RTF1: variants seen among roughly 807,000 people sequenced by gnomAD.
RTF1 encodes the protein RNA polymerase-associated protein RTF1 homolog.
RTF1 carries 10 observed loss-of-function variants against 95.7 expected under a neutral mutation model. That is an observed-to-expected ratio of 0.10 (90% CI 0.06 to 0.18). The LOEUF (loss-of-function observed/expected upper bound fraction) is 0.18. Among genes scored for constraint, RTF1 ranks in the 10% least tolerant of loss-of-function variants. The pLI is 1.00. For missense variants in RTF1, 458 were observed against 875.6 expected (o/e 0.52, Z 6.02); for synonymous variants, 305 against 311.8 (o/e 0.98, Z 0.23).
rs2050903273 is a variant in RTF1, at chr15:41,470,254, T to C, written c.890-3T>C. On this transcript the variant is annotated splice_region_variant and splice_polypyrimidine_tract_variant and intron_variant, in intron 6 of 17. Transcript: ENST00000389629. The stretch of plus-strand genomic sequence containing the variant: ...TAGGTAAACATCTCTTCTTTCTTTC[T>C]AGCTGAGCTCCTTGCCAAAAAACAG... The C allele has an allele frequency of 6.2e-7, 1 of 1,610,916 alleles. No individual in the cohort carries two copies. The highest frequency in any genetic ancestry group is 8.5e-7 in the Non-Finnish European group (1 of 1,178,086).
At chr15:41,438,477 G>A (rs1176909167) in intron 2 of RTF1, 46 bp downstream of exon 2, 1 of 1,316,060 alleles carries the variant, frequency 7.6e-7, no homozygotes. Context: ...GATAGTTGAG[G>A]CTCCTCGCTT....
At chr15:41,446,582 A>G (rs968548514) in intron 2 of RTF1, among the ~76,000 whole-genome samples, 4 of 149,726 alleles carry the variant, frequency 2.7e-5, no homozygotes, top group African/African-American at 7.4e-5. Context: ...ATTTTCATAA[A>G]ATAGTACCTC....
chr15:41,471,233 C>T lies in RTF1; in HGVS notation c.1087C>T (p.Arg363Ter). The T allele has an allele frequency of 6.2e-7, 1 of 1,613,628 alleles. No homozygotes were observed. The highest frequency in any genetic ancestry group is 8.5e-7 in the Non-Finnish European group (1 of 1,179,914). ...CTTACCTGAAGAATTGAATCGGGTT[C>T]GATTATCACGGCATAAGCTAGAACG... ...VSLPEELNRV[R>*]LSRHKLERWC... The change falls in exon 8 of 18, where the codon CGA becomes TGA. Residue 363 changes from arginine (R) to a stop codon, truncating the protein, a stop_gained. Coordinates refer to ENST00000389629, the MANE Select transcript of RTF1 (RefSeq NM_015138.5). LOFTEE classifies it high-confidence loss of function.
intron 2 of RTF1, among the ~76,000 whole-genome samples, chr15:41,439,123 C>G (rs2140952029): frequency 6.6e-6 from 1 of 151,188 alleles, no homozygotes; most frequent in Admixed American, 6.6e-5. Context: ...CTTCCGCCTT[C>G]CAGGTTCACG....
At chr15:41,464,978 T>G in intron 5 of RTF1, 93 bp downstream of exon 5, 1 of 1,390,302 alleles carries the variant, frequency 7.2e-7, no homozygotes, top group Non-Finnish European at 9.4e-7. Context: ...AAAAGGTGGA[T>G]TTATATTAAT....
At chr15:41,453,771 C>T (rs2050799643) in intron 3 of RTF1, among the ~76,000 whole-genome samples, 2 of 151,400 alleles carry the variant, frequency 1.3e-5, no homozygotes, top group Non-Finnish European at 2.9e-5. Flanking sequence ...TGCAGGGACA[C>T]TGGAAGAGAA....
chr15:41,446,975 G>A (rs1487126530), intron 2 of RTF1, among the ~76,000 whole-genome samples: 1 of 151,946 alleles, frequency 6.6e-6, no homozygotes, highest in Non-Finnish European at 1.5e-5. Context: ...GCTAATTTTT[G>A]TATTTTTAGT....
At chr15:41,473,474 C>A (rs1335945579) in intron 8 of RTF1, among the ~76,000 whole-genome samples, 1 of 149,200 alleles carries the variant, frequency 6.7e-6, no homozygotes, top group African/African-American at 2.5e-5. Flanking sequence ...AGTGTCTTAA[C>A]CATGTTGCCC....
At chr15:41,473,439 TG>T (rs1332997409) in intron 8 of RTF1, among the ~76,000 whole-genome samples, 5 of 149,684 alleles carry the variant, frequency 3.3e-5, no homozygotes, top group African/African-American at 1.2e-4. Flanking sequence ...GCCCAGGTGT[TG>T]GGTTTTTTTT....
chr15:41,417,509 G>C (rs1048396632), intron 1 of RTF1, among the ~76,000 whole-genome samples, 196 bp downstream of exon 1: 42 of 152,190 alleles, frequency 2.8e-4, no homozygotes, highest in Non-Finnish European at 5.0e-4. Flanking sequence ...TGGAGACGGA[G>C]CCCCGAGGAC....
chr15:41,449,227 ATTTTT>A (rs34660598), intron 2 of RTF1, among the ~76,000 whole-genome samples: 6 of 109,314 alleles, frequency 5.5e-5, no homozygotes, highest in African/African-American at 2.3e-4. Context: ...AGGCAGGTGA[ATTTTT>A]TTTTTTTTTT....
In RTF1 at chr15:41,473,442, G is replaced by GTT. The variant is rs756423671; in HGVS notation, c.1204-1163_1204-1162dup. On this transcript the variant is annotated intron_variant, in intron 8 of 17. Transcript: ENST00000389629. ...CCACCACGCCCGGCCCAGGTGTTGG[G>GTT]TTTTTTTTTTTTTTTTGAGACAGTG... is the stretch of plus-strand genomic sequence containing the variant. Among the ~76,000 whole-genome samples, 469 of 138,576 alleles carry GTT rather than the reference G, an allele frequency of 3.4e-3. 3 individuals carry two copies. Among genetic ancestry groups the GTT allele is most frequent in the African/African-American group, 0.011 (431 of 38,258 alleles). 90.9% of individuals were successfully genotyped at this position (138,576 alleles called of 152,430 possible). A position where few individuals can be genotyped will look rare whatever the true frequency, so the allele number is the denominator to read the frequency against.
chr15:41,468,365 T>G (rs2050891089), intron 6 of RTF1, among the ~76,000 whole-genome samples: 1 of 152,022 alleles, frequency 6.6e-6, no homozygotes, highest in Non-Finnish European at 1.5e-5. Flanking sequence ...TCGCCCAGGT[T>G]GGAGTGCAGT....
Position 41,430,008 on chromosome 15 carries a change from T to C in RTF1, c.199-8313T>C, listed in dbSNP as rs1356937425. On this transcript the variant is annotated intron_variant, in intron 1 of 17. Transcript: ENST00000389629. ...TAATTTAATTTATTTTATTTTTTCT[T>C]TTCTTTTTTTTTTTTTTGAGACAGA... 4.7e-5 allele frequency among the ~76,000 whole-genome samples: 7 copies of C among 148,448 alleles called. No individual in the cohort carries two copies. In the East Asian group the frequency reaches 1.0e-3, roughly 21 times the overall value.
intron 2 of RTF1, among the ~76,000 whole-genome samples, chr15:41,444,375 C>A (rs2050750297): frequency 6.6e-6 from 1 of 151,668 alleles, no homozygotes; most frequent in African/African-American, 2.4e-5. Context: ...CTCACTGCAA[C>A]CTCCGCCTCC....
intron 3 of RTF1, among the ~76,000 whole-genome samples, chr15:41,456,813 TG>T (rs1157287726): frequency 6.7e-6 from 1 of 148,242 alleles, no homozygotes; most frequent in East Asian, 2.0e-4. Flanking sequence ...AGGCCGAGCA[TG>T]GTGGCTCACA....
In RTF1 at chr15:41,447,785, A is replaced by G. The variant is rs186230099; in HGVS notation, c.310-5116A>G. 1.7e-3 allele frequency among the ~76,000 whole-genome samples: 263 copies of G among 151,998 alleles called. 2 individuals are homozygous for G. The highest frequency in any genetic ancestry group is 6.2e-3 in the African/African-American group (256 of 41,428). On this transcript the variant is annotated intron_variant, in intron 2 of 17. Transcript: ENST00000389629. ...TTCAGATGCACACCGGTGGGTGCTC[A>G]TTTTCTCATTCTTGGCTTATGTTTG...
At chr15:41,427,112 C>CT (rs1277624157) in intron 1 of RTF1, among the ~76,000 whole-genome samples, 1 of 127,676 alleles carries the variant, frequency 7.8e-6, no homozygotes. Context: ...AGTGCTGGGA[C>CT]TACAGGCATG....
Position 41,482,783 on chromosome 15 carries a change from C to T in RTF1, c.*2096C>T, listed in dbSNP as rs1187013937. 1 of 152,440 alleles carries T rather than the reference C, an allele frequency of 6.6e-6. No individual in the cohort carries two copies. The highest frequency in any genetic ancestry group is 1.9e-4 in the East Asian group (1 of 5,202). 9.4% of individuals were successfully genotyped at this position (152,440 alleles called of 1,614,324 possible). A position where few individuals can be genotyped will look rare whatever the true frequency, so the allele number is the denominator to read the frequency against. On this transcript the variant is annotated 3_prime_UTR_variant, in exon 18 of 18. Coordinates refer to ENST00000389629, the MANE Select transcript of RTF1 (RefSeq NM_015138.5). ...CCTGGACTTCAGCAGAGTCCTGGAG[C>T]TGCTGGGACCTCTCCTATCATGATG...
Sources: allele counts gnomAD v4.1 joint callset (sites outside exome capture counted in the v4.1 genomes callset), GRCh38; gene constraint gnomAD v4.1.1; transcripts MANE v1.5; gene names NCBI Gene and HGNC (gene_info 2026-07-23, HGNC 2026-07-21).